The following TAF4 variants were observed in gnomAD, a reference collection of about 807,000 sequenced individuals.
The protein encoded by TAF4 is transcription initiation factor TFIID subunit 4.
A neutral mutation model predicts 90.3 loss-of-function variants in TAF4; 9 were observed. The observed-to-expected ratio is 0.10, with a 90% CI of 0.06 to 0.17. TAF4 has a LOEUF of 0.17. Among genes scored for constraint, TAF4 ranks in the 10% least tolerant of loss-of-function variants. The pLI, the probability that TAF4 is intolerant of heterozygous loss-of-function variation, is 1.00. For synonymous variants in TAF4, 818 were observed against 638.9 expected, an observed-to-expected ratio of 1.28 and a Z score of -4.23; for missense variants, 1,351 against 1,370.7, an observed-to-expected ratio of 0.99 and a Z score of 0.23.
intron 2 of TAF4, among the ~76,000 whole-genome samples, chr20:62,013,731 G>A (rs892806266): frequency 2.6e-5 from 4 of 152,228 alleles, no homozygotes; most frequent in African/African-American, 4.8e-5. Flanking sequence ...GGGAAACACG[G>A]CAGGAGACGG....
At chr20:62,018,477 G>A (rs913465168) in intron 1 of TAF4, among the ~76,000 whole-genome samples, 13 of 152,232 alleles carry the variant, frequency 8.5e-5, no homozygotes, top group Admixed American at 4.6e-4. Flanking sequence ...GGTTACGGGC[G>A]GCACCTGACC....
intron 14 of TAF4, among the ~76,000 whole-genome samples, chr20:61,982,292 G>A (rs1248316461): frequency 7.2e-6 from 1 of 138,238 alleles, no homozygotes; most frequent in African/African-American, 2.8e-5. Flanking sequence ...CCCCACCAGA[G>A]AGGAGACACC....
intron 1 of TAF4, among the ~76,000 whole-genome samples, chr20:62,033,367 C>T (rs796091377): frequency 9.2e-5 from 14 of 152,304 alleles, no homozygotes; most frequent in African/African-American, 3.1e-4. Context: ...GCATTTGATA[C>T]GATCCAACAT....
At chr20:62,031,256 C>A (rs1053726148) in intron 1 of TAF4, among the ~76,000 whole-genome samples, 4 of 152,204 alleles carry the variant, frequency 2.6e-5, no homozygotes, top group Middle Eastern at 3.2e-3. Context: ...CTGCTCCAGG[C>A]TGGGCGTCCA....
intron 10 of TAF4, 73 bp downstream of exon 10, chr20:62,000,479 T>A: frequency 6.7e-7 from 1 of 1,490,564 alleles, no homozygotes; most frequent in South Asian, 1.2e-5. Flanking sequence ...GTGTCAGGTG[T>A]GCTCACCTGA....
intron 4 of TAF4, among the ~76,000 whole-genome samples, chr20:62,009,406 G>A (rs1173137144): frequency 4.6e-5 from 7 of 152,186 alleles, no homozygotes; most frequent in African/African-American, 2.4e-5. Flanking sequence ...CCACATCTAG[G>A]AATGCAGCTA....
rs1403056270 is a variant in TAF4 at position 62,003,871 on chromosome 20, TG to T, written c.2230del (p.Gln744SerfsTer9). ...KQGQPTPLVI[Q>X]QPPKPGALIR... Reference sequence around the variant, plus strand: ...CAGGGCTCCTGGCTTCGGAGGCTGCTGGATGACCTGAGGCAGAGCCAGCAGA... The same window carrying T: ...CAGGGCTCCTGGCTTCGGAGGCTGCTGATGACCTGAGGCAGAGCCAGCAGA... On this transcript the variant is annotated frameshift_variant, in exon 8 of 15. Coordinates refer to ENST00000252996, the MANE Select transcript of TAF4 (RefSeq NM_003185.4). LOFTEE classifies it high-confidence loss of function. The T allele has an allele frequency of 6.4e-7, 1 of 1,571,650 alleles. No homozygotes were observed.
At chr20:62,045,952 T>C (rs1412720834) in intron 1 of TAF4, among the ~76,000 whole-genome samples, 1 of 152,226 alleles carries the variant, frequency 6.6e-6, no homozygotes, top group Non-Finnish European at 1.5e-5. Flanking sequence ...ACGCAAACAC[T>C]TCCAAATACT....
At chr20:62,047,509 G>A (rs1424148119) in intron 1 of TAF4, among the ~76,000 whole-genome samples, 1 of 152,136 alleles carries the variant, frequency 6.6e-6, no homozygotes, top group African/African-American at 2.4e-5. Context: ...TCCCTCTACA[G>A]CGAGACCCTC....
intron 1 of TAF4, among the ~76,000 whole-genome samples, chr20:62,056,626 G>A (rs1347216807): frequency 6.6e-6 from 1 of 151,720 alleles, no homozygotes; most frequent in African/African-American, 2.4e-5. Flanking sequence ...CACAGGACAA[G>A]GCAAAGCACA....
intron 14 of TAF4, among the ~76,000 whole-genome samples, chr20:61,991,437 TA>T (rs1174941800): frequency 7.3e-6 from 1 of 137,148 alleles, no homozygotes; most frequent in Admixed American, 7.5e-5. Flanking sequence ...AAATAAAAAT[TA>T]AAAAAAAAGA....
Position 62,007,530 on chromosome 20 carries a change from G to C in TAF4, c.1974+17C>G. The C allele has an allele frequency of 6.2e-7, 1 of 1,610,906 alleles. No homozygotes were observed. The highest frequency in any genetic ancestry group is 1.3e-5 in the African/African-American group (1 of 74,952). The stretch of plus-strand genomic sequence containing the variant: ...CCTGGCCCTACTGCTCGCAGGCACC[G>C]GGGCCTTTGAAATTACCTTCAGGAA... On this transcript the variant is annotated intron_variant, in intron 6 of 14. Coordinates refer to ENST00000252996, the MANE Select transcript of TAF4 (RefSeq NM_003185.4).
chr20:61,977,076 C>CACCA, intron 14 of TAF4, among the ~76,000 whole-genome samples: 1 of 150,290 alleles, frequency 6.7e-6, no homozygotes, highest in Middle Eastern at 3.4e-3. Flanking sequence ...GGGGCACACG[C>CACCA]CACACACACG....
intron 1 of TAF4, among the ~76,000 whole-genome samples, chr20:62,054,242 C>G (rs142718475): frequency 1.3e-5 from 2 of 152,354 alleles, no homozygotes; most frequent in East Asian, 3.9e-4. Flanking sequence ...GACAGGTGCC[C>G]TGTGGCATGC....
intron 14 of TAF4, among the ~76,000 whole-genome samples, chr20:61,979,834 G>A (rs969083663): frequency 8.6e-5 from 13 of 150,644 alleles, no homozygotes; most frequent in East Asian, 2.0e-4. Context: ...ACTGCGGCCC[G>A]TGCAGGCGCC....
At chr20:61,981,863 G>A (rs190369975) in intron 14 of TAF4, among the ~76,000 whole-genome samples, 2 of 117,360 alleles carry the variant, frequency 1.7e-5, no homozygotes, top group African/African-American at 3.5e-5. Flanking sequence ...CCACCCGAGA[G>A]GAGACACCAA....
chr20:61,998,802 C>T (rs1375468751), intron 12 of TAF4, among the ~76,000 whole-genome samples, 181 bp downstream of exon 12: 1 of 152,210 alleles, frequency 6.6e-6, no homozygotes, highest in African/African-American at 2.4e-5. Context: ...CAAGCATCTA[C>T]GCTAGTGCCA....
rs1459127147 is a variant in TAF4, at chr20:61,993,284, A to G, written c.3090+4266T>C. On this transcript the variant is annotated intron_variant, in intron 14 of 14. Coordinates refer to ENST00000252996, the MANE Select transcript of TAF4 (RefSeq NM_003185.4). ...TGTCCTCGCAATGAGGGGACACAAG[A>G]GCAGCCAGCGTCCTGCCGCAGGGAG... Among the ~76,000 whole-genome samples the G allele has an allele frequency of 2.0e-5, 3 of 152,168 alleles. 1 individual carries two copies. The highest frequency in any genetic ancestry group is 7.2e-5 in the African/African-American group (3 of 41,442).
At chr20:62,042,272 C>T (rs2055968091) in intron 1 of TAF4, among the ~76,000 whole-genome samples, 1 of 152,182 alleles carries the variant, frequency 6.6e-6, no homozygotes, top group Non-Finnish European at 1.5e-5. Flanking sequence ...GGCTGCGGGA[C>T]GGCTGAACTC....
Sources: gnomAD v4.1 joint callset for allele counts (sites outside exome capture counted in the v4.1 genomes callset) on GRCh38, gnomAD v4.1.1 for gene constraint, MANE v1.5 for transcripts, NCBI Gene and HGNC (gene_info 2026-07-23, HGNC 2026-07-21) for gene names.